TOM1L2: variants seen among roughly 807,000 people sequenced by gnomAD.
TOM1L2 encodes target of myb1 like 2 membrane trafficking protein.
A neutral mutation model predicts 67.9 loss-of-function variants in TOM1L2; 31 were observed. The observed-to-expected ratio is 0.46, with a 90% CI of 0.34 to 0.62. The LOEUF (loss-of-function observed/expected upper bound fraction) is 0.62, where lower values mean the gene tolerates loss of function less well. Ranked by LOEUF, TOM1L2 falls within the 20% of genes least tolerant of loss-of-function variation. The pLI, the probability that TOM1L2 is intolerant of heterozygous loss-of-function variation, is 0.01. For synonymous variants in TOM1L2, 256 were observed against 254.0 expected (o/e 1.01, Z -0.07); for missense variants, 606 against 663.5 (o/e 0.91, Z 0.95).
chr17:17,904,336 G>A (rs886431963), intron 2 of TOM1L2, among the ~76,000 whole-genome samples: 19 of 152,196 alleles, frequency 1.2e-4, no homozygotes, highest in Non-Finnish European at 1.9e-4. Flanking sequence ...GGGGTTCCTG[G>A]GCTTCCTGCC....
intron 1 of TOM1L2, among the ~76,000 whole-genome samples, chr17:17,956,006 G>C (rs1474211818): frequency 6.6e-6 from 1 of 152,208 alleles, no homozygotes; most frequent in African/African-American, 2.4e-5. Context: ...AAAAACTGCA[G>C]ACCTTTGCAG....
chr17:17,967,210 C>T (rs1449138165), intron 1 of TOM1L2, among the ~76,000 whole-genome samples: 1 of 152,224 alleles, frequency 6.6e-6, no homozygotes, highest in Non-Finnish European at 1.5e-5. Context: ...CAACACCAGT[C>T]AGTCTACAAA....
intron 2 of TOM1L2, among the ~76,000 whole-genome samples, chr17:17,904,694 C>T (rs1414361742): frequency 6.6e-6 from 1 of 152,164 alleles, no homozygotes; most frequent in Non-Finnish European, 1.5e-5. Flanking sequence ...GAATGCAGCA[C>T]CTGACCTTGA....
chr17:17,910,298 C>G (rs1023499073), intron 1 of TOM1L2, among the ~76,000 whole-genome samples: 1 of 152,198 alleles, frequency 6.6e-6, no homozygotes, highest in African/African-American at 2.4e-5. Flanking sequence ...CTCCCTTCCC[C>G]CTCTGGGATG....
chr17:17,950,023 A>AC (rs1229993446), intron 1 of TOM1L2, among the ~76,000 whole-genome samples: 1 of 151,340 alleles, frequency 6.6e-6, no homozygotes, highest in African/African-American at 2.4e-5. Context: ...GGCGCCCACC[A>AC]CCATGCCTGG....
At chr17:17,859,775 G>A (rs2036452406) in intron 12 of TOM1L2, 1 of 152,272 alleles carries the variant, frequency 6.6e-6, no homozygotes, top group African/African-American at 2.4e-5. Context: ...CAGCTACTCA[G>A]GAGGCTGAGG....
At chr17:17,876,364 G>T (rs1483690092) in intron 7 of TOM1L2, among the ~76,000 whole-genome samples, 3 of 152,192 alleles carry the variant, frequency 2.0e-5, no homozygotes, top group Admixed American at 6.5e-5. Flanking sequence ...GTGAAGAACT[G>T]CCTATCCCTC....
intron 1 of TOM1L2, among the ~76,000 whole-genome samples, chr17:17,959,673 G>A (rs1221978635): frequency 6.6e-6 from 1 of 152,062 alleles, no homozygotes; most frequent in African/African-American, 2.4e-5. Flanking sequence ...TTGAGGAGCA[G>A]CAAAAAAAAC....
chr17:17,946,579 C>T (rs2040961302), intron 1 of TOM1L2, among the ~76,000 whole-genome samples: 1 of 152,168 alleles, frequency 6.6e-6, no homozygotes, highest in Non-Finnish European at 1.5e-5. Flanking sequence ...ATATTTAAAA[C>T]TTAATCCTTT....
intron 1 of TOM1L2, among the ~76,000 whole-genome samples, chr17:17,944,184 G>A (rs1277002353): frequency 3.9e-5 from 6 of 152,234 alleles, no homozygotes; most frequent in Admixed American, 3.9e-4. Flanking sequence ...GGCAGGCAGG[G>A]GTTGTGCAAG....
rs1019201146 is a variant in TOM1L2 at position 17,847,282 on chromosome 17, C to A, written c.*353G>T. 1 of 300,212 alleles carries A rather than the reference C, an allele frequency of 3.3e-6. No individual in the cohort carries two copies. The highest frequency in any genetic ancestry group is 6.3e-6 in the Non-Finnish European group (1 of 159,134). 18.6% of individuals were successfully genotyped at this position (300,212 alleles called of 1,614,324 possible). The stretch of plus-strand genomic sequence containing the variant: ...GAGGTGAGCACAGGGCGGGGCCGGG[C>A]GTGCTCTTTCTCCATGGGCGGGTGG... On this transcript the variant is annotated 3_prime_UTR_variant, in exon 15 of 15. Transcript: ENST00000379504.
chr17:17,885,726 C>A (rs939598737), intron 4 of TOM1L2, among the ~76,000 whole-genome samples: 1 of 151,888 alleles, frequency 6.6e-6, no homozygotes, highest in African/African-American at 2.4e-5. Context: ...AGATCAAGAC[C>A]ATCCTGGCTA....
intron 1 of TOM1L2, among the ~76,000 whole-genome samples, chr17:17,971,056 A>G (rs1403518880): frequency 1.3e-5 from 2 of 152,150 alleles, no homozygotes; most frequent in South Asian, 2.1e-4. Context: ...TTCCTTATCC[A>G]TGATTCTGGC....
In TOM1L2 at chr17:17,963,710, A is replaced by G. The variant is rs1597478727; in HGVS notation, c.52+8552T>C. On this transcript the variant is annotated intron_variant, in intron 1 of 14. Transcript: ENST00000379504. Reference sequence around the variant, plus strand: ...AAAAGAGTGAATAACTATGAAGAATATACTCTACCATGTGCTGTGAAGGTC... The same window carrying G: ...AAAAGAGTGAATAACTATGAAGAATGTACTCTACCATGTGCTGTGAAGGTC... Among the ~76,000 whole-genome samples the G allele has an allele frequency of 2.0e-5, 3 of 152,244 alleles. No individual in the cohort carries two copies. The South Asian group carries it at 6.2e-4, about 31-fold the overall frequency.
rs919424213 is a variant in TOM1L2 at position 17,882,925 on chromosome 17, C to T, written c.502-62G>A. ...GCTGCCTGCATAGCTGGACCTGGTA[C>T]CTACCCCACCCCATGCAGCACTTCC... On this transcript the variant is annotated intron_variant, in intron 5 of 14. Transcript: ENST00000379504. The T allele has an allele frequency of 6.9e-6, 11 of 1,584,856 alleles. No individual in the cohort carries two copies. The African/African-American group carries it at 1.3e-4, about 19-fold the overall frequency.
intron 4 of TOM1L2, among the ~76,000 whole-genome samples, chr17:17,891,780 C>T (rs553813185): frequency 9.2e-4 from 123 of 133,228 alleles, no homozygotes; most frequent in African/African-American, 3.8e-3. Context: ...AAAGTGCATG[C>T]ACACGTGTGT....
chr17:17,904,563 C>T (rs1334925407), intron 2 of TOM1L2, among the ~76,000 whole-genome samples: 1 of 152,030 alleles, frequency 6.6e-6, no homozygotes, highest in Non-Finnish European at 1.5e-5. Flanking sequence ...AACCTAAGTG[C>T]CTGCGAAACC....
intron 1 of TOM1L2, among the ~76,000 whole-genome samples, chr17:17,925,895 T>G (rs2144652448): frequency 6.8e-6 from 1 of 146,504 alleles, no homozygotes; most frequent in South Asian, 2.2e-4. Flanking sequence ...TATAGGTTAG[T>G]CGTGGTGCCT....
At position 17,861,486 on chromosome 17, in the gene TOM1L2, C is replaced by G; in HGVS notation, c.1268G>C (p.Ser423Thr). Residue 423 changes from serine to threonine, a missense_variant, in exon 12 of 15, where the codon AGT becomes ACT. Physicochemically the swap from Ser to Thr is moderately conservative, Grantham distance 58 (BLOSUM62 1). Coordinates refer to ENST00000379504, the MANE Select transcript of TOM1L2 (RefSeq NM_001082968.2). Reference protein sequence around the residue: ...LASALDNRKQSSEGIPVAQPS... With the variant: ...LASALDNRKQTSEGIPVAQPS... ...GGGTTAAAGACCTACCCCTTCTGAA[C>G]TCTGTTTTCGATTGTCTAGTGCAGA... 6.2e-7 allele frequency: 1 copy of G among 1,614,062 alleles called. No individual in the cohort carries two copies. Among genetic ancestry groups the G allele is most frequent in the South Asian group, 1.1e-5 (1 of 91,082 alleles).
Sources: gnomAD v4.1 joint callset for allele counts (sites outside exome capture counted in the v4.1 genomes callset) on GRCh38, gnomAD v4.1.1 for gene constraint, MANE v1.5 for transcripts, NCBI Gene and HGNC (gene_info 2026-07-23, HGNC 2026-07-21) for gene names.